The following PLEKHA7 variants were observed in gnomAD, a reference collection of about 807,000 sequenced individuals.
The protein encoded by PLEKHA7 is pleckstrin homology domain containing A7.
Under a neutral mutation model 170.0 loss-of-function variants are expected in PLEKHA7, and 104 were observed. The ratio of observed to expected loss-of-function variants is 0.61; its 90% confidence interval spans 0.52 to 0.72. The LOEUF is 0.72. Among genes scored for constraint, PLEKHA7 ranks in the 30% least tolerant of loss-of-function variants. The pLI, the probability that PLEKHA7 is intolerant of heterozygous loss-of-function variation, is 0.00. For synonymous variants in PLEKHA7, 648 were observed against 660.8 expected, an observed-to-expected ratio of 0.98 and a Z score of 0.30; for missense variants, 1,615 against 1,671.7, an observed-to-expected ratio of 0.97 and a Z score of 0.59.
intron 15 of PLEKHA7, among the ~76,000 whole-genome samples, chr11:16,802,707 C>T (rs1033000917): frequency 6.6e-6 from 1 of 152,108 alleles, no homozygotes; most frequent in African/African-American, 2.4e-5. Context: ...ACCACCATGC[C>T]CAGCTAATTT....
intron 3 of PLEKHA7, among the ~76,000 whole-genome samples, chr11:16,952,170 T>G (rs1861444566): frequency 1.3e-5 from 2 of 152,202 alleles, no homozygotes; most frequent in African/African-American, 4.8e-5. Flanking sequence ...ATAAAGACAT[T>G]TCCATGCAAC....
intron 4 of PLEKHA7, among the ~76,000 whole-genome samples, chr11:16,867,080 A>C (rs1854454659): frequency 6.6e-6 from 1 of 151,618 alleles, no homozygotes; most frequent in Non-Finnish European, 1.5e-5. Context: ...ATGGATGGAC[A>C]CTTGGGGGTG....
chr11:16,927,622 CCA>C (rs1343201670), intron 3 of PLEKHA7, among the ~76,000 whole-genome samples: 11 of 152,198 alleles, frequency 7.2e-5, no homozygotes, highest in Non-Finnish European at 1.3e-4. Context: ...ATAATAACTT[CCA>C]GTAATGTTGG....
chr11:16,855,964 G>A (rs778837681), intron 4 of PLEKHA7, 50 bp from the exon 5 acceptor site: 2 of 1,441,250 alleles, frequency 1.4e-6, no homozygotes, highest in Non-Finnish European at 2.0e-6. Context: ...CTATAGAGTA[G>A]GAAGTGCAGT....
At chr11:16,915,381 C>G (rs1858565640) in intron 3 of PLEKHA7, among the ~76,000 whole-genome samples, 2 of 152,032 alleles carry the variant, frequency 1.3e-5, no homozygotes, top group African/African-American at 4.8e-5. Context: ...TATTATTATA[C>G]TTTAAGTTTT....
intron 3 of PLEKHA7, among the ~76,000 whole-genome samples, chr11:16,960,184 C>T (rs1463252452): frequency 6.6e-6 from 1 of 152,198 alleles, no homozygotes; most frequent in Non-Finnish European, 1.5e-5. Context: ...CGGACGCTGA[C>T]CCTGTTCCCT....
chr11:16,926,344 C>T (rs1484005623), intron 3 of PLEKHA7, among the ~76,000 whole-genome samples: 1 of 152,186 alleles, frequency 6.6e-6, no homozygotes, highest in Admixed American at 6.5e-5. Context: ...CTCTCCTGGT[C>T]CTGCAGGCAA....
At position 16,892,362 on chromosome 11, in the gene PLEKHA7, G is replaced by GC. The variant is rs1337778457; in HGVS notation, c.222-21181dup. 2.6e-5 allele frequency among the ~76,000 whole-genome samples: 4 copies of GC among 152,128 alleles called. No individual in the cohort carries two copies. The East Asian group carries it at 7.7e-4, about 29-fold the overall frequency. On this transcript the variant is annotated intron_variant, in intron 3 of 26. Coordinates refer to ENST00000531066, the MANE Select transcript of PLEKHA7 (RefSeq NM_001329630.2). Reference sequence around the variant, plus strand: ...ATAGCCAACTCCCAGAAGCCTAGCAGCAAGAGTAGGTGGTCACAGCCATGC... The same window carrying GC: ...ATAGCCAACTCCCAGAAGCCTAGCAGCCAAGAGTAGGTGGTCACAGCCATGC...
At chr11:16,969,576 C>T (rs1176442624) in intron 3 of PLEKHA7, among the ~76,000 whole-genome samples, 1 of 152,156 alleles carries the variant, frequency 6.6e-6, no homozygotes, top group Non-Finnish European at 1.5e-5. Context: ...GCAGAAGTCA[C>T]ACCTCCCATA....
intron 17 of PLEKHA7, among the ~76,000 whole-genome samples, chr11:16,797,729 G>A (rs1848331361): frequency 6.6e-6 from 1 of 152,222 alleles, no homozygotes; most frequent in Non-Finnish European, 1.5e-5. Context: ...GTAAGAGGAT[G>A]ACCTCTAGGG....
chr11:16,850,608 T>A (rs1852850386), intron 8 of PLEKHA7, among the ~76,000 whole-genome samples: 1 of 152,138 alleles, frequency 6.6e-6, no homozygotes, highest in South Asian at 2.1e-4. Context: ...AAACTACCAT[T>A]AATTATCATG....
At chr11:16,801,631 C>A (rs745791912) in intron 16 of PLEKHA7, 37 bp downstream of exon 16, 2 of 1,612,102 alleles carry the variant, frequency 1.2e-6, no homozygotes, top group East Asian at 2.2e-5. Flanking sequence ...TTGCTCAGCC[C>A]GTCCTGAGGG....
rs755403637 is a variant in PLEKHA7 at position 16,791,660 on chromosome 11, G to A, written c.2746-461C>T. ...TCATTGGCCCTACACGAGCTCTGGC[G>A]CCTTCAGCAAGGTGGGGACCTGAAC... is the stretch of plus-strand genomic sequence containing the variant. On this transcript the variant is annotated intron_variant, in intron 19 of 26. Coordinates refer to ENST00000531066, the MANE Select transcript of PLEKHA7 (RefSeq NM_001329630.2). The surrounding 1 kb of genome is among the most constrained non-coding windows in gnomAD (Gnocchi z 4.5). 16 of 459,480 alleles carry A rather than the reference G, an allele frequency of 3.5e-5. 1 individual carries two copies. The highest frequency in any genetic ancestry group is 6.9e-5 in the East Asian group (1 of 14,482). 28.5% of individuals were successfully genotyped at this position (459,480 alleles called of 1,614,324 possible).
chr11:16,994,487 T>C (rs558883683), intron 3 of PLEKHA7, among the ~76,000 whole-genome samples: 84 of 152,222 alleles, frequency 5.5e-4, no homozygotes, highest in African/African-American at 1.9e-3. Context: ...TGCCAACCTA[T>C]GTCCAGCCCC....
chr11:16,926,663 G>A (rs1346104158), intron 3 of PLEKHA7, among the ~76,000 whole-genome samples: 1 of 152,228 alleles, frequency 6.6e-6, no homozygotes, highest in Non-Finnish European at 1.5e-5. Context: ...GTTACCCAGT[G>A]AGTGGGAAAG....
At chr11:16,825,082 A>G (rs752104750) in intron 10 of PLEKHA7, among the ~76,000 whole-genome samples, 1 of 152,232 alleles carries the variant, frequency 6.6e-6, no homozygotes, top group Non-Finnish European at 1.5e-5. Flanking sequence ...ATGTCTTATC[A>G]GTTACTTAGG....
Position 16,826,576 on chromosome 11 carries a change from A to C in PLEKHA7, c.887T>G (p.Val296Gly). Residue 296 changes from valine (V) to glycine (G), a missense_variant, in exon 10 of 27, where the codon GTG (valine) becomes GGG (glycine). Transcript: ENST00000531066. ...GGCCTGGGGGACAGCCTGCCGCTCC[A>C]CCTTCTCCATATCCCTGCAATGACA... is the stretch of plus-strand genomic sequence containing the variant. ...RSSLKRDMEK[V>G]ERQAVPQANH... The C allele has an allele frequency of 1.9e-6, 3 of 1,613,018 alleles. No homozygotes were observed. Among genetic ancestry groups the C allele is most frequent in the Non-Finnish European group, 2.5e-6 (3 of 1,179,704 alleles).
At chr11:16,792,555 G>C (rs934434321) in intron 19 of PLEKHA7, among the ~76,000 whole-genome samples, 1 of 151,862 alleles carries the variant, frequency 6.6e-6, no homozygotes, top group Non-Finnish European at 1.5e-5. Context: ...AAAGGCAAGG[G>C]GATTATTATC....
chr11:16,938,180 G>A (rs991142677), intron 3 of PLEKHA7, among the ~76,000 whole-genome samples: 12 of 152,132 alleles, frequency 7.9e-5, no homozygotes, highest in African/African-American at 9.7e-5. Context: ...AAACACAAAT[G>A]TTCTAATATT....
Sources: gnomAD v4.1 joint callset for allele counts (sites outside exome capture counted in the v4.1 genomes callset) on GRCh38, gnomAD v4.1.1 for gene constraint, Gnocchi (gnomAD v3.1) non-coding constraint, MANE v1.5 for transcripts, NCBI Gene and HGNC (gene_info 2026-07-23, HGNC 2026-07-21) for gene names.